MIR17HG: variants seen among roughly 807,000 people sequenced by gnomAD.
The protein encoded by MIR17HG is MIR17 host gene (non-protein coding).
chr13:91,348,706 G>C (rs1244800764), intron 1 of MIR17HG, among the ~76,000 whole-genome samples: 1 of 150,614 alleles, frequency 6.6e-6, no homozygotes, highest in African/African-American at 2.4e-5. Flanking sequence ...AGCCGCCTGC[G>C]CCCGGCCGCT....
intron 1 of MIR17HG, among the ~76,000 whole-genome samples, chr13:91,348,132 G>T (rs1875056985): frequency 7.2e-6 from 1 of 138,620 alleles, no homozygotes; most frequent in African/African-American, 2.7e-5. Context: ...GCCGCATCTG[G>T]CTGCCCCCTC....
intron 3 of MIR17HG, chr13:91,350,543 T>C (rs1009765854): frequency 5.8e-5 from 31 of 532,074 alleles, no homozygotes; most frequent in Non-Finnish European, 1.0e-4. Flanking sequence ...ATTCTAATTA[T>C]CTATTTCAAA....
chr13:91,353,762 G>A (rs1875439477), intron 3 of MIR17HG, among the ~76,000 whole-genome samples: 1 of 150,650 alleles, frequency 6.6e-6, no homozygotes, highest in South Asian at 2.1e-4. Context: ...ACTATTTGGA[G>A]GGGAAAAAAT....
chr13:91,348,137 C>T (rs1243641071), intron 1 of MIR17HG, among the ~76,000 whole-genome samples: 2 of 134,386 alleles, frequency 1.5e-5, no homozygotes, highest in Non-Finnish European at 3.3e-5. Flanking sequence ...ATCTGGCTGC[C>T]CCCTCGCTCG....
At chr13:91,351,497 T>A (rs1875312877) in intron 3 of MIR17HG, 1 of 401,468 alleles carries the variant, frequency 2.5e-6, no homozygotes, top group Non-Finnish European at 5.5e-6. Flanking sequence ...ATGTGTAACT[T>A]TTTGTGTAAA....
At chr13:91,350,766 CTAGTGCAGA>C (rs759192126) in intron 3 of MIR17HG, 2 of 534,704 alleles carry the variant, frequency 3.7e-6, no homozygotes, top group Admixed American at 1.9e-5. Flanking sequence ...TAAGGTGCAT[CTAGTGCAGA>C]TAGTGAAGTA....
chr13:91,350,259 C>A, intron 3 of MIR17HG: 1 of 202,536 alleles, frequency 4.9e-6, no homozygotes. Context: ...TTAAATGTTC[C>A]AAAATTAGTT....
At chr13:91,354,391 CTTAA>C (rs1457833427) in exon 4 of MIR17HG, 1 of 152,116 alleles carries the variant, frequency 6.6e-6, no homozygotes, top group African/African-American at 2.4e-5. Flanking sequence ...TTGAAGAATG[CTTAA>C]TTTTCTTATC....
intron 1 of MIR17HG, among the ~76,000 whole-genome samples, chr13:91,349,200 T>A (rs914392905): frequency 4.6e-5 from 7 of 152,084 alleles, no homozygotes; most frequent in Non-Finnish European, 2.9e-5. Context: ...CTTCTGTTCC[T>A]AAACTGCAGC....
At chr13:91,347,917 C>G (rs1182129846) in exon 1 of MIR17HG, 1 of 151,674 alleles carries the variant, frequency 6.6e-6, no homozygotes, top group African/African-American at 2.4e-5. Context: ...GGAGCAGGAG[C>G]CCGCGGCCGG....
chr13:91,354,383 G>A (rs1046057), exon 4 of MIR17HG: 1 of 152,194 alleles, frequency 6.6e-6, no homozygotes, highest in African/African-American at 2.4e-5. Context: ...TAGAAAAGTT[G>A]AAGAATGCTT....
At chr13:91,353,775 G>A (rs1029174227) in intron 3 of MIR17HG, among the ~76,000 whole-genome samples, 3 of 147,264 alleles carry the variant, frequency 2.0e-5, no homozygotes, top group Non-Finnish European at 3.0e-5. Flanking sequence ...GAAAAAATGG[G>A]TCAACTTTTT....
In MIR17HG at chr13:91,350,708, GTTGGGC is replaced by G. The variant is rs770419845; in HGVS notation, n.284+485_284+490del. On this transcript the variant is annotated intron_variant and non_coding_transcript_variant, in intron 3 of 3. Coordinates refer to ENST00000400282, the Ensembl canonical transcript of MIR17HG. The stretch of plus-strand genomic sequence containing the variant: ...GGTGACAGCTGCCTCGGGAAGCCAA[GTTGGGC>G]TTTAAAGTGCAGGGCCTGCTGATGT... 1.1e-5 allele frequency: 6 copies of G among 533,886 alleles called. No homozygotes were observed. In the Admixed American group the frequency reaches 1.2e-4, roughly 10 times the overall value. 33.1% of individuals were successfully genotyped at this position (533,886 alleles called of 1,614,324 possible).
intron 3 of MIR17HG, chr13:91,352,508 A>ACCAC (rs1366407238): frequency 1.3e-5 from 2 of 152,230 alleles, no homozygotes; most frequent in Non-Finnish European, 2.9e-5. Context: ...ACTAGGTTAG[A>ACCAC]CCACCCAATA....
chr13:91,350,856 A>G (rs577211593), intron 3 of MIR17HG: 2 of 534,780 alleles, frequency 3.7e-6, no homozygotes, highest in Admixed American at 1.9e-5. Flanking sequence ...AATTCAAGCC[A>G]AGCAAGTATA....
At chr13:91,351,203 G>A (rs761184964) in intron 3 of MIR17HG, 1 of 527,720 alleles carries the variant, frequency 1.9e-6, no homozygotes, top group East Asian at 5.5e-5. Context: ...ACTGTTCTAT[G>A]GTTAGTTTTG....
chr13:91,348,432 T>G (rs1217681686), intron 1 of MIR17HG, among the ~76,000 whole-genome samples: 2 of 147,432 alleles, frequency 1.4e-5, no homozygotes. Flanking sequence ...CGGCGGCACA[T>G]GGGGCAGGCC....
chr13:91,348,453 AG>A (rs2138687628), intron 1 of MIR17HG, among the ~76,000 whole-genome samples: 1 of 149,024 alleles, frequency 6.7e-6, no homozygotes, highest in East Asian at 2.1e-4. Flanking sequence ...GCGGGCCGGG[AG>A]GGGGCGCGCC....
chr13:91,349,888 A>G (rs1875205059), intron 2 of MIR17HG: 1 of 152,240 alleles, frequency 6.6e-6, no homozygotes, highest in Non-Finnish European at 1.5e-5. Context: ...TTCTTTAGAC[A>G]ATGTACCTTT....
Sources: gnomAD v4.1 joint callset for allele counts (sites outside exome capture counted in the v4.1 genomes callset) on GRCh38, gnomAD v4.1.1 for gene constraint, MANE v1.5 for transcripts, NCBI Gene and HGNC (gene_info 2026-07-23, HGNC 2026-07-21) for gene names.